ST6GALNAC3: variants seen among roughly 807,000 people sequenced by gnomAD.
ST6GALNAC3 encodes the protein ST6 N-acetylgalactosaminide alpha-2,6-sialyltransferase 3.
Under a neutral mutation model 32.7 loss-of-function variants are expected in ST6GALNAC3, and 25 were observed. That is an observed-to-expected ratio of 0.76 (90% CI 0.56 to 1.07). The LOEUF (loss-of-function observed/expected upper bound fraction) is 1.07, where lower values mean the gene tolerates loss of function less well. Among genes scored for constraint, ST6GALNAC3 ranks in the 50% least tolerant of loss-of-function variants. The pLI is 0.00. For synonymous variants in ST6GALNAC3, 129 were observed against 133.1 expected, an observed-to-expected ratio of 0.97 and a Z score of 0.21; for missense variants, 355 against 382.4, an observed-to-expected ratio of 0.93 and a Z score of 0.60.
chr1:76,335,300 T>C (rs565176646), intron 2 of ST6GALNAC3, among the ~76,000 whole-genome samples: 1 of 152,320 alleles, frequency 6.6e-6, no homozygotes, highest in Admixed American at 6.5e-5. Context: ...CAATAATTTG[T>C]ATTTATTCAT....
chr1:76,074,929 C>A, intron 1 of ST6GALNAC3, 45 bp downstream of exon 1: 8 of 1,574,876 alleles, frequency 5.1e-6, no homozygotes, highest in Non-Finnish European at 6.0e-6. Context: ...TGGCCAGCCC[C>A]TTGCTGCTCA....
chr1:76,608,839 A>G (rs973219383), intron 3 of ST6GALNAC3, among the ~76,000 whole-genome samples: 3 of 152,156 alleles, frequency 2.0e-5, no homozygotes, highest in Non-Finnish European at 4.4e-5. Flanking sequence ...ACTCAAATAT[A>G]TTAATTATTT....
chr1:76,425,759 A>G (rs1479482193), intron 3 of ST6GALNAC3, among the ~76,000 whole-genome samples: 1 of 151,958 alleles, frequency 6.6e-6, no homozygotes, highest in Non-Finnish European at 1.5e-5. Context: ...CTTGACCACA[A>G]GGATAGAAAG....
intron 1 of ST6GALNAC3, among the ~76,000 whole-genome samples, chr1:76,258,388 A>C (rs1345672917): frequency 2.0e-5 from 3 of 152,216 alleles, no homozygotes; most frequent in Admixed American, 6.5e-5. Context: ...TTCATCAAAT[A>C]CTGCTTCTTC....
chr1:76,315,439 T>G (rs1458986019), intron 2 of ST6GALNAC3, among the ~76,000 whole-genome samples: 2 of 152,168 alleles, frequency 1.3e-5, no homozygotes, highest in East Asian at 3.8e-4. Context: ...TCTTTAAATA[T>G]TAATGAATTT....
intron 1 of ST6GALNAC3, among the ~76,000 whole-genome samples, chr1:76,186,747 G>C (rs1390377405): frequency 6.6e-6 from 1 of 152,132 alleles, no homozygotes; most frequent in African/African-American, 2.4e-5. Flanking sequence ...GCTTTCTGCA[G>C]CCTCGTGAGG....
intron 3 of ST6GALNAC3, among the ~76,000 whole-genome samples, chr1:76,566,155 C>G (rs76097621): frequency 6.6e-6 from 1 of 152,290 alleles, no homozygotes; most frequent in African/African-American, 2.4e-5. Flanking sequence ...CATCAACCAG[C>G]AAGTATTTCT....
In ST6GALNAC3 at chr1:76,129,394, G is replaced by A. The variant is rs939788921; in HGVS notation, c.18+54510G>A. On this transcript the variant is annotated intron_variant, in intron 1 of 4. Transcript: ENST00000328299. Reference sequence around the variant, plus strand: ...TCAGTCACAGCCTAATCAGGTGACTGCCTGCTCCTCTACCCCTGCCAAACT... The same window carrying A: ...TCAGTCACAGCCTAATCAGGTGACTACCTGCTCCTCTACCCCTGCCAAACT... Among the ~76,000 whole-genome samples the A allele has an allele frequency of 3.9e-5, 6 of 152,150 alleles. No homozygotes were observed. In the East Asian group the frequency reaches 1.2e-3, roughly 29 times the overall value.
chr1:76,131,426 C>T (rs1649603009), intron 1 of ST6GALNAC3, among the ~76,000 whole-genome samples: 1 of 152,198 alleles, frequency 6.6e-6, no homozygotes, highest in African/African-American at 2.4e-5. Flanking sequence ...AAGTGTATTA[C>T]AAGCCATTCC....
Position 76,627,517 on chromosome 1 carries a change from A to G in ST6GALNAC3, c.689A>G (p.Tyr230Cys), listed in dbSNP as rs1345508778. The G allele has an allele frequency of 6.2e-7, 1 of 1,612,750 alleles. No individual in the cohort carries two copies. Among genetic ancestry groups the G allele is most frequent in the Non-Finnish European group, 8.5e-7 (1 of 1,179,050 alleles). The change falls in exon 4 of 5, where the codon TAT becomes TGT. Residue 230 changes from tyrosine (Y) to cysteine (C), a missense_variant. Tyr to Cys is a radical substitution (Grantham distance 194, BLOSUM62 -2). Coordinates refer to ENST00000328299, the MANE Select transcript of ST6GALNAC3 (RefSeq NM_152996.4). ...TTCCTTCTGGCCATGGACGCCTGTTATGGCATTCACGTCTACGGGATGATA... is the reference window on the plus strand; with the variant it reads ...TTCCTTCTGGCCATGGACGCCTGTTGTGGCATTCACGTCTACGGGATGATA... Reference protein sequence around the residue: ...FTFLLAMDACYGIHVYGMIND... With the variant: ...FTFLLAMDACCGIHVYGMIND...
chr1:76,221,092 T>C (rs1655741565), intron 1 of ST6GALNAC3, among the ~76,000 whole-genome samples: 1 of 152,116 alleles, frequency 6.6e-6, no homozygotes, highest in Non-Finnish European at 1.5e-5. Flanking sequence ...GAAGCCTTTG[T>C]AAATCAAAGG....
chr1:76,446,868 C>G (rs533516296), intron 3 of ST6GALNAC3, among the ~76,000 whole-genome samples: 1 of 152,108 alleles, frequency 6.6e-6, no homozygotes. Flanking sequence ...TCCATTAAAC[C>G]CTTTTTCCTG....
At chr1:76,307,496 T>TG (rs1323944705) in intron 1 of ST6GALNAC3, among the ~76,000 whole-genome samples, 1 of 152,096 alleles carries the variant, frequency 6.6e-6, no homozygotes, top group Admixed American at 6.6e-5. Context: ...AAAGAAGCAA[T>TG]GGGTAGGGAC....
rs551527837 is a variant in ST6GALNAC3, at chr1:76,614,897, G to T, written c.624-12555G>T. Among the ~76,000 whole-genome samples, 6 of 152,112 alleles carry T rather than the reference G, an allele frequency of 3.9e-5. No homozygotes were observed. In the South Asian group the frequency reaches 6.2e-4, roughly 16 times the overall value. On this transcript the variant is annotated intron_variant, in intron 3 of 4. Transcript: ENST00000328299. ...CTCTAGGGAGATCAGGGCTGTGACT[G>T]GGGGGTAGGGGCTAGGGTTCCAGGG...
intron 1 of ST6GALNAC3, among the ~76,000 whole-genome samples, chr1:76,150,433 C>T (rs1650969164): frequency 6.6e-6 from 1 of 152,226 alleles, no homozygotes; most frequent in Admixed American, 6.5e-5. Context: ...GGCTAGGTTT[C>T]ATTATGTCTC....
intron 1 of ST6GALNAC3, among the ~76,000 whole-genome samples, chr1:76,244,460 C>T (rs532564412): frequency 2.0e-5 from 3 of 152,048 alleles, no homozygotes; most frequent in Admixed American, 6.6e-5. Context: ...GCCTAATTTC[C>T]CTGGCCAGAA....
chr1:76,387,645 A>G (rs567413681), intron 2 of ST6GALNAC3, among the ~76,000 whole-genome samples: 1 of 152,254 alleles, frequency 6.6e-6, no homozygotes, highest in South Asian at 2.1e-4. Context: ...GAATGTAAAT[A>G]AATGAAAAAT....
At chr1:76,225,403 A>G (rs1656008657) in intron 1 of ST6GALNAC3, among the ~76,000 whole-genome samples, 1 of 152,174 alleles carries the variant, frequency 6.6e-6, no homozygotes, top group African/African-American at 2.4e-5. Context: ...TGTCTGAATT[A>G]GTCTATCAGA....
chr1:76,350,178 TA>T (rs1041952596), intron 2 of ST6GALNAC3, among the ~76,000 whole-genome samples: 1 of 152,162 alleles, frequency 6.6e-6, no homozygotes, highest in Non-Finnish European at 1.5e-5. Context: ...ATCCAGATTT[TA>T]AAAAGGTTAT....
Sources: gnomAD v4.1 joint callset for allele counts (sites outside exome capture counted in the v4.1 genomes callset) on GRCh38, gnomAD v4.1.1 for gene constraint, MANE v1.5 for transcripts, NCBI Gene and HGNC (gene_info 2026-07-23, HGNC 2026-07-21) for gene names.